C9orf43: variants seen among roughly 807,000 people sequenced by gnomAD.
C9orf43 encodes chromosome 9 open reading frame 43.
A neutral mutation model predicts 59.1 loss-of-function variants in C9orf43; 45 were observed. That is an observed-to-expected ratio of 0.76 (90% CI 0.60 to 0.98). C9orf43 has a LOEUF of 0.98. Among genes scored for constraint, C9orf43 ranks in the 50% least tolerant of loss-of-function variants. C9orf43 has a pLI of 0.00. For synonymous variants in C9orf43, 203 were observed against 196.8 expected (o/e 1.03, Z -0.26); for missense variants, 533 against 554.9 (o/e 0.96, Z 0.40).
At chr9:113,428,822 G>A in intron 12 of C9orf43, 78 bp from the exon 13 acceptor site, 3 of 1,273,512 alleles carry the variant, frequency 2.4e-6, no homozygotes, top group Non-Finnish European at 3.4e-6. Flanking sequence ...ATTTCTCCAA[G>A]AGAAGCATCT....
Position 113,425,687 on chromosome 9 carries a change from T to C in C9orf43, c.987T>C (p.Thr329=), listed in dbSNP as rs1282144000. 1 of 1,614,148 alleles carries C rather than the reference T, an allele frequency of 6.2e-7. No individual in the cohort carries two copies. Among genetic ancestry groups the C allele is most frequent in the Non-Finnish European group, 8.5e-7 (1 of 1,180,008 alleles). The change falls in exon 11 of 14, where the codon ACT becomes ACC. Residue 329 remains threonine (T), a synonymous_variant. Transcript: ENST00000374165. ...KAKSDPGIQS[T]SHKHPVTTVH... is the part of the protein sequence containing the mutation. ...AGAGTGATCCAGGGATCCAGAGCAC[T>C]TCACATAAACATCCAGTTACCACCG...
intron 5 of C9orf43, among the ~76,000 whole-genome samples, chr9:113,422,299 A>G (rs888163483): frequency 5.3e-5 from 8 of 152,234 alleles, no homozygotes; most frequent in Non-Finnish European, 7.3e-5. Context: ...GCCTGAGAGA[A>G]TAATGGGAAA....
intron 3 of C9orf43, among the ~76,000 whole-genome samples, chr9:113,415,126 C>T (rs1487828468): frequency 1.3e-5 from 2 of 152,094 alleles, no homozygotes; most frequent in Non-Finnish European, 2.9e-5. Flanking sequence ...GCCACCATGC[C>T]CAACCCTGTC....
At chr9:113,416,741 A>G (rs947564842) in intron 3 of C9orf43, among the ~76,000 whole-genome samples, 2 of 151,590 alleles carry the variant, frequency 1.3e-5, no homozygotes, top group Non-Finnish European at 2.9e-5. Context: ...TTTGGACCAG[A>G]TAATTCTTTG....
intron 3 of C9orf43, among the ~76,000 whole-genome samples, chr9:113,415,512 A>C (rs1375991378): frequency 6.6e-6 from 1 of 151,956 alleles, no homozygotes; most frequent in Non-Finnish European, 1.5e-5. Flanking sequence ...GACGTGTTAC[A>C]TGCATGGATG....
chr9:113,417,965 C>T (rs922105161), intron 3 of C9orf43, among the ~76,000 whole-genome samples: 3 of 152,110 alleles, frequency 2.0e-5, no homozygotes, highest in Non-Finnish European at 4.4e-5. Flanking sequence ...TACCCCTTTA[C>T]ATTATTCATT....
intron 10 of C9orf43, 96 bp downstream of exon 10, chr9:113,425,516 T>A: frequency 6.7e-7 from 1 of 1,496,290 alleles, no homozygotes; most frequent in Non-Finnish European, 9.1e-7. Flanking sequence ...TTGTTTTCTA[T>A]CTGGTTATAG....
At chr9:113,412,864 G>C (rs998556396) in intron 1 of C9orf43, among the ~76,000 whole-genome samples, 8 of 152,238 alleles carry the variant, frequency 5.3e-5, no homozygotes, top group African/African-American at 1.9e-4. Context: ...GCAGTGTCTA[G>C]TGATTTGCTA....
In C9orf43 at chr9:113,429,501, T is replaced by C; in HGVS notation, c.*115T>C. 2 of 814,114 alleles carry C rather than the reference T, an allele frequency of 2.5e-6. No individual in the cohort carries two copies. The highest frequency in any genetic ancestry group is 3.9e-6 in the Non-Finnish European group (2 of 508,872). 50.4% of individuals were successfully genotyped at this position (814,114 alleles called of 1,614,324 possible). A position where few individuals can be genotyped will look rare whatever the true frequency, so the allele number is the denominator to read the frequency against. The stretch of plus-strand genomic sequence containing the variant: ...CACATAAGGGCAAGAGGAGAGGGGC[T>C]TCTGCTCTCTGGAGCCTTTACCAGG... On this transcript the variant is annotated 3_prime_UTR_variant, in exon 14 of 14. Transcript: ENST00000374165.
In C9orf43 at chr9:113,419,098, C is replaced by A. The variant is rs1828478729; in HGVS notation, c.288-10C>A. 6.2e-7 allele frequency: 1 copy of A among 1,606,528 alleles called. No homozygotes were observed. The highest frequency in any genetic ancestry group is 1.3e-5 in the African/African-American group (1 of 74,804). ...GTATTTCTGTTTTATGTGTGGAACT[C>A]ATTTTTTAGGCCTCCGAAGGGTTTA... On this transcript the variant is annotated splice_polypyrimidine_tract_variant and intron_variant, in intron 3 of 13. Transcript: ENST00000374165.
intron 12 of C9orf43, 97 bp from the exon 13 acceptor site, chr9:113,428,803 T>G (rs1828882785): frequency 9.2e-7 from 1 of 1,081,176 alleles, no homozygotes; most frequent in South Asian, 1.3e-5. Context: ...TGGCTCATCT[T>G]AGATGTTAAT....
Position 113,410,880 on chromosome 9 carries a change from C to T in C9orf43, c.-171C>T. On this transcript the variant is annotated 5_prime_UTR_variant, in exon 1 of 14. Transcript: ENST00000374165. ...TTGCTCTCACAGGACCTCAGCCCGT[C>T]GTGATCAGATTCTCCCACTTTCTTT... The T allele has an allele frequency of 1.1e-6, 1 of 920,868 alleles. No homozygotes were observed. The highest frequency in any genetic ancestry group is 1.3e-6 in the Non-Finnish European group (1 of 770,250). The allele number at this position is 920,868 out of a possible 1,614,324, so 57.0% of individuals were successfully genotyped here.
chr9:113,428,717 C>G (rs1010961556), intron 12 of C9orf43, among the ~76,000 whole-genome samples, 183 bp from the exon 13 acceptor site: 2 of 152,138 alleles, frequency 1.3e-5, no homozygotes, highest in Non-Finnish European at 2.9e-5. Flanking sequence ...AGGAGTGGTT[C>G]TAGGTTCATT....
rs1195451541 is a variant in C9orf43, at chr9:113,422,402, T to G, written c.447-147T>G. The G allele has an allele frequency of 3.5e-6, 4 of 1,158,724 alleles. No individual in the cohort carries two copies. The African/African-American group carries it at 6.2e-5, about 18-fold the overall frequency. 71.8% of individuals were successfully genotyped at this position (1,158,724 alleles called of 1,614,324 possible). A position where few individuals can be genotyped will look rare whatever the true frequency, so the allele number is the denominator to read the frequency against. ...TTCCCAACCAGCTATCTTTGAGTAC[T>G]GATCAAAGATAGGAATCTTTGTGGT... On this transcript the variant is annotated intron_variant, in intron 5 of 13. Transcript: ENST00000374165.
intron 3 of C9orf43, among the ~76,000 whole-genome samples, chr9:113,416,908 A>C (rs1247418936): frequency 6.6e-6 from 1 of 152,164 alleles, no homozygotes; most frequent in Non-Finnish European, 1.5e-5. Flanking sequence ...ATACTGCCCT[A>C]GATCCTTCCA....
chr9:113,413,138 A>T (rs1233137617), intron 1 of C9orf43, among the ~76,000 whole-genome samples: 1 of 152,190 alleles, frequency 6.6e-6, no homozygotes, highest in Non-Finnish European at 1.5e-5. Flanking sequence ...TTTTATAATG[A>T]CCCTGTGAAA....
chr9:113,425,487 A>G (rs1828754674), intron 10 of C9orf43, 67 bp downstream of exon 10: 2 of 1,551,596 alleles, frequency 1.3e-6, no homozygotes, highest in Admixed American at 1.9e-5. Context: ...GAAGGGATGT[A>G]TGAAAGGTGG....
chr9:113,420,631 T>G, intron 4 of C9orf43: 53 of 307,564 alleles, frequency 1.7e-4, no homozygotes, highest in Non-Finnish European at 2.4e-4. Context: ...TAGCTAAATG[T>G]GAGAAGAGTT....
At position 113,429,166 on chromosome 9, in the gene C9orf43, T is replaced by C. The variant is rs370993151; in HGVS notation, c.1172-6T>C. The C allele has an allele frequency of 3.0e-5, 48 of 1,613,622 alleles. No individual in the cohort carries two copies. The Admixed American group carries it at 5.0e-4, about 17-fold the overall frequency. On this transcript the variant is annotated splice_polypyrimidine_tract_variant and splice_region_variant and intron_variant, in intron 13 of 13. Transcript: ENST00000374165. Reference sequence around the variant, plus strand: ...AGGTGCAATTAATGACTGCATCTTCTTTTAGGTCCTGAATTGTATGAAACA... The same window carrying C: ...AGGTGCAATTAATGACTGCATCTTCCTTTAGGTCCTGAATTGTATGAAACA...
Sources: gnomAD v4.1 joint callset for allele counts (sites outside exome capture counted in the v4.1 genomes callset) on GRCh38, gnomAD v4.1.1 for gene constraint, MANE v1.5 for transcripts, NCBI Gene and HGNC (gene_info 2026-07-23, HGNC 2026-07-21) for gene names.